The following UBR3 variants were observed in gnomAD, a reference collection of about 807,000 sequenced individuals.
The protein encoded by UBR3 is E3 ubiquitin-protein ligase UBR3.
Under a neutral mutation model 243.2 loss-of-function variants are expected in UBR3, and 85 were observed. The observed-to-expected ratio is 0.35, with a 90% confidence interval of 0.29 to 0.42. The LOEUF (loss-of-function observed/expected upper bound fraction) is 0.42. Among genes scored for constraint, UBR3 ranks in the 10% least tolerant of loss-of-function variants. UBR3 has a pLI of 1.00. For synonymous variants in UBR3, 748 were observed against 799.8 expected, an observed-to-expected ratio of 0.94 and a Z score of 1.09; for missense variants, 1,686 against 2,300.8, an observed-to-expected ratio of 0.73 and a Z score of 5.47.
chr2:170,054,389 C>T (rs2091288168), intron 32 of UBR3, among the ~76,000 whole-genome samples: 1 of 151,708 alleles, frequency 6.6e-6, no homozygotes, highest in Non-Finnish European at 1.5e-5. Flanking sequence ...TCAAGCGATT[C>T]TCCTGCCTCA....
intron 30 of UBR3, among the ~76,000 whole-genome samples, chr2:170,023,871 C>T (rs1009123835): frequency 9.9e-5 from 15 of 151,496 alleles, no homozygotes; most frequent in Middle Eastern, 3.4e-3. Context: ...CCATTGTGCC[C>T]GGCCTAATTT....
chr2:169,900,086 T>C lies in UBR3; in HGVS notation c.1465+3351T>C, dbSNP rs376614573. On this transcript the variant is annotated intron_variant, in intron 8 of 38. Coordinates refer to ENST00000272793, the MANE Select transcript of UBR3 (RefSeq NM_172070.4). ...GGAATCGCCACACTGTCTTCCACAA[T>C]GGTTGAACTAATTTACACTCCCACC... is the stretch of plus-strand genomic sequence containing the variant. Among the ~76,000 whole-genome samples, 35 of 152,330 alleles carry C rather than the reference T, an allele frequency of 2.3e-4. No individual in the cohort carries two copies. The South Asian group carries it at 7.3e-3, about 32-fold the overall frequency.
intron 26 of UBR3, among the ~76,000 whole-genome samples, chr2:169,998,662 G>A (rs1031318585): frequency 6.6e-6 from 1 of 152,142 alleles, no homozygotes; most frequent in Non-Finnish European, 1.5e-5. Context: ...CTATCAGTGG[G>A]CACTGATATT....
chr2:169,970,519 C>T (rs1450684360), intron 24 of UBR3, among the ~76,000 whole-genome samples: 3 of 113,424 alleles, frequency 2.6e-5, no homozygotes, highest in African/African-American at 9.7e-5. Flanking sequence ...GTTCCCCTTC[C>T]TGTGTCCATG....
At chr2:169,869,466 C>T (rs574296794) in intron 1 of UBR3, among the ~76,000 whole-genome samples, 24 of 152,064 alleles carry the variant, frequency 1.6e-4, no homozygotes, top group African/African-American at 4.3e-4. Flanking sequence ...TCAAGCAATC[C>T]GCCCATGTCA....
intron 1 of UBR3, among the ~76,000 whole-genome samples, chr2:169,845,525 GTCGTCGTCT>G (rs747332627): frequency 0.02 from 2,382 of 121,520 alleles, 53 homozygotes; most frequent in African/African-American, 0.047. Flanking sequence ...CGTCGTCGTC[GTCGTCGTCT>G]TCTTCTTCTT....
chr2:169,879,083 T>A (rs2083723666), intron 5 of UBR3, among the ~76,000 whole-genome samples: 1 of 151,934 alleles, frequency 6.6e-6, no homozygotes, highest in Non-Finnish European at 1.5e-5. Context: ...TTTCAATTTT[T>A]ATAGTGTTTA....
chr2:169,956,822 T>C (rs2087322028), intron 23 of UBR3, among the ~76,000 whole-genome samples: 1 of 152,188 alleles, frequency 6.6e-6, no homozygotes, highest in South Asian at 2.1e-4. Flanking sequence ...TTGAATCATA[T>C]CAGATTAATA....
chr2:169,945,650 G>A (rs893357710), intron 20 of UBR3, among the ~76,000 whole-genome samples: 1 of 152,244 alleles, frequency 6.6e-6, no homozygotes, highest in East Asian at 1.9e-4. Flanking sequence ...TTTGTTACTT[G>A]TGGTATTTTA....
chr2:169,947,708 C>A lies in UBR3; in HGVS notation c.3077C>A (p.Ser1026Tyr). 2.7e-6 allele frequency: 4 copies of A among 1,478,228 alleles called. No individual in the cohort carries two copies. Among genetic ancestry groups the A allele is most frequent in the Admixed American group, 2.5e-5 (1 of 39,328 alleles). 91.6% of individuals were successfully genotyped at this position (1,478,228 alleles called of 1,614,324 possible). A position where few individuals can be genotyped will look rare whatever the true frequency, so the allele number is the denominator to read the frequency against. The stretch of plus-strand genomic sequence containing the variant: ...AGTACTAGCTCTGATAACTTGGGTT[C>A]TTTACAAGTAAGTGTAAATGTAAGA... ...PASTSSDNLG[S>Y]LQNSGTAQVF... The change falls in exon 22 of 39, where the codon TCT becomes TAT. Residue 1026 changes from serine (S) to tyrosine (Y), a missense_variant. Physicochemically the swap from Ser to Tyr is moderately radical, Grantham distance 144. Transcript: ENST00000272793.
At chr2:169,877,995 G>A (rs895078547) in intron 4 of UBR3, among the ~76,000 whole-genome samples, 17 of 152,144 alleles carry the variant, frequency 1.1e-4, no homozygotes, top group African/African-American at 3.9e-4. Flanking sequence ...TGTAATAACT[G>A]TATTAAATCT....
At chr2:169,852,188 A>C (rs563631934) in intron 1 of UBR3, among the ~76,000 whole-genome samples, 1 of 152,334 alleles carries the variant, frequency 6.6e-6, no homozygotes, top group African/African-American at 2.4e-5. Flanking sequence ...GTATACCTTA[A>C]GACCTTTGGA....
intron 1 of UBR3, among the ~76,000 whole-genome samples, chr2:169,842,513 A>G (rs62173086): frequency 0.42 from 63,458 of 151,932 alleles, 15,059 homozygotes; most frequent in Non-Finnish European, 0.54. Flanking sequence ...AAATCTTGCT[A>G]CTGCTCACTC....
chr2:170,008,777 T>A lies in UBR3; in HGVS notation c.4231-27T>A, dbSNP rs569700648. ...TATTAAAGAAAGTGAATATAAACTT[T>A]ATATGTATGTTTGCATTTTTTTATA... On this transcript the variant is annotated intron_variant, in intron 28 of 38. Coordinates refer to ENST00000272793, the MANE Select transcript of UBR3 (RefSeq NM_172070.4). 11 of 1,073,582 alleles carry A rather than the reference T, an allele frequency of 1.0e-5. No individual in the cohort carries two copies. The Admixed American group carries it at 2.8e-4, about 27-fold the overall frequency. The allele number at this position is 1,073,582 out of a possible 1,614,324, so 66.5% of individuals were successfully genotyped here. A position where few individuals can be genotyped will look rare whatever the true frequency, so the allele number is the denominator to read the frequency against.
chr2:169,971,176 GT>G (rs2088122482), intron 24 of UBR3, among the ~76,000 whole-genome samples: 1 of 151,032 alleles, frequency 6.6e-6, no homozygotes. Context: ...GGGGTTGTTT[GT>G]TTTTTTCTTG....
intron 8 of UBR3, among the ~76,000 whole-genome samples, chr2:169,900,312 T>G (rs554618117): frequency 6.6e-6 from 1 of 152,356 alleles, no homozygotes; most frequent in South Asian, 2.1e-4. Context: ...AAGTGTCTGT[T>G]CATGTCCTTC....
At chr2:169,925,419 A>T (rs2085871141) in intron 13 of UBR3, among the ~76,000 whole-genome samples, 200 bp from the exon 14 acceptor site, 1 of 152,216 alleles carries the variant, frequency 6.6e-6, no homozygotes, top group African/African-American at 2.4e-5. Flanking sequence ...TTTAAACTCT[A>T]AAAAAGTGGC....
intron 1 of UBR3, among the ~76,000 whole-genome samples, chr2:169,857,082 T>TTTG (rs2082910708): frequency 1.5e-5 from 2 of 130,748 alleles, no homozygotes; most frequent in South Asian, 2.8e-4. Context: ...TTTTTTTTTT[T>TTTG]TTTTTTTTTG....
chr2:170,068,421 T>C (rs995482112), intron 35 of UBR3, among the ~76,000 whole-genome samples: 17 of 152,212 alleles, frequency 1.1e-4, no homozygotes, highest in African/African-American at 3.9e-4. Flanking sequence ...TGAGCCGAGA[T>C]TGTGCCACTA....
Sources: allele counts gnomAD v4.1 joint callset (sites outside exome capture counted in the v4.1 genomes callset), GRCh38; gene constraint gnomAD v4.1.1; transcripts MANE v1.5; gene names NCBI Gene and HGNC (gene_info 2026-07-23, HGNC 2026-07-21).